The following ZMYM2 variants were observed in gnomAD, a reference collection of about 807,000 sequenced individuals.
ZMYM2 encodes the protein zinc finger MYM-type protein 2.
In ZMYM2, 56 loss-of-function variants were observed where a neutral mutation model predicts 162.8. The ratio of observed to expected loss-of-function variants is 0.34; its 90% confidence interval spans 0.28 to 0.43. The LOEUF (loss-of-function observed/expected upper bound fraction) is 0.43. Ranked by LOEUF, ZMYM2 falls within the 20% of genes least tolerant of loss-of-function variation. The probability of loss-of-function intolerance (pLI) is 1.00; values close to 1 mark genes in which losing one functional copy is unlikely to be tolerated. For synonymous variants in ZMYM2, 510 were observed against 541.6 expected (o/e 0.94, Z 0.81); for missense variants, 1,275 against 1,621.8 (o/e 0.79, Z 3.67).
intron 6 of ZMYM2, among the ~76,000 whole-genome samples, chr13:20,012,733 G>A (rs1404406130): frequency 6.6e-6 from 1 of 152,090 alleles, no homozygotes; most frequent in African/African-American, 2.4e-5. Flanking sequence ...TTGATGAAGG[G>A]ATTATTCTTT....
At chr13:20,081,759 A>G (rs762692633) in intron 21 of ZMYM2, among the ~76,000 whole-genome samples, 8 of 152,120 alleles carry the variant, frequency 5.3e-5, no homozygotes, top group Non-Finnish European at 1.2e-4. Flanking sequence ...TGACAGACTG[A>G]AGATTGTCAT....
chr13:19,993,038 A>G, intron 2 of ZMYM2, 25 bp from the exon 3 acceptor site: 5 of 1,539,672 alleles, frequency 3.2e-6, no homozygotes, highest in Non-Finnish European at 4.4e-6. Flanking sequence ...TGACATTTTA[A>G]TTCTTTTTTC....
Position 19,979,025 on chromosome 13 carries a change from A to G in ZMYM2, c.-10-14038A>G, listed in dbSNP as rs755859880. 6.2e-5 allele frequency among the ~76,000 whole-genome samples: 9 copies of G among 144,494 alleles called. No individual in the cohort carries two copies. In the East Asian group the frequency reaches 1.8e-3, roughly 29 times the overall value. 94.8% of individuals were successfully genotyped at this position (144,494 alleles called of 152,430 possible). A position where few individuals can be genotyped will look rare whatever the true frequency, so the allele number is the denominator to read the frequency against. ...GCTGCGTATAGAATTCTTGGCTGAC[A>G]GATTTTTTTCCCCCCTCTTTCTGTT... On this transcript the variant is annotated intron_variant, in intron 2 of 24. Transcript: ENST00000610343.
intron 15 of ZMYM2, 43 bp downstream of exon 15, chr13:20,058,747 A>G (rs1739767833): frequency 1.2e-6 from 2 of 1,604,070 alleles, no homozygotes; most frequent in African/African-American, 1.3e-5. Flanking sequence ...CCATACCTTC[A>G]TCTCACCTAA....
chr13:20,088,051 A>G lies in ZMYM2; in HGVS notation c.*2037A>G, dbSNP rs1437348071. 5.1e-6 allele frequency: 1 copy of G among 197,202 alleles called. No homozygotes were observed. The highest frequency in any genetic ancestry group is 1.1e-5 in the Non-Finnish European group (1 of 94,980). The allele number at this position is 197,202 out of a possible 1,614,324, so 12.2% of individuals were successfully genotyped here. ...TACCATGAATTTCTGCCATAGTACT[A>G]CTATCAAGCACCTTGTCTTGCTATT... On this transcript the variant is annotated 3_prime_UTR_variant, in exon 25 of 25. Coordinates refer to ENST00000610343, the MANE Select transcript of ZMYM2 (RefSeq NM_197968.4).
the ZMYM2 span, among the ~76,000 whole-genome samples, chr13:19,919,678 T>C: frequency 0.49 from 61,472 of 125,718 alleles, 12,896 homozygotes; most frequent in Admixed American, 0.56. Context: ...TTTTTTCTTT[T>C]TCTTTTTTTT....
chr13:20,054,574 T>G (rs921391920), intron 14 of ZMYM2, among the ~76,000 whole-genome samples: 9 of 152,218 alleles, frequency 5.9e-5, no homozygotes, highest in Non-Finnish European at 1.2e-4. Context: ...TCATTATAAT[T>G]TTTATTCTTT....
At chr13:19,966,515 T>C (rs1220141049) in intron 2 of ZMYM2, among the ~76,000 whole-genome samples, 2 of 151,756 alleles carry the variant, frequency 1.3e-5, no homozygotes, top group African/African-American at 4.8e-5. Context: ...AGTGCAATGG[T>C]GTGATCAGGG....
the ZMYM2 span, among the ~76,000 whole-genome samples, chr13:19,903,962 A>T: frequency 6.6e-6 from 1 of 152,112 alleles, no homozygotes; most frequent in Admixed American, 6.6e-5. Flanking sequence ...GTCTCTTTGT[A>T]TGTGAGTCTT....
At chr13:20,048,073 C>A (rs749687094) in intron 12 of ZMYM2, among the ~76,000 whole-genome samples, 13 of 151,958 alleles carry the variant, frequency 8.6e-5, no homozygotes, top group Non-Finnish European at 1.5e-4. Context: ...CCAAGAGTAT[C>A]TCTATTAAGA....
the ZMYM2 span, among the ~76,000 whole-genome samples, chr13:19,903,846 C>CAA: frequency 7.0e-6 from 1 of 142,046 alleles, no homozygotes. Context: ...GACCCTGTCT[C>CAA]AAAAAAAAAA....
At chr13:20,014,906 A>G (rs1203273327) in intron 6 of ZMYM2, among the ~76,000 whole-genome samples, 1 of 151,642 alleles carries the variant, frequency 6.6e-6, no homozygotes, top group Non-Finnish European at 1.5e-5. Flanking sequence ...CCGGGATTAC[A>G]GGCATGTGCC....
rs1958300599 is a variant in ZMYM2, at chr13:20,086,801, ATGAT to A, written c.*790_*793del. ...TATATATATATATATATATATATAA[ATGAT>A]TGTAAGTTGAAAACAAGATCATCAA... On this transcript the variant is annotated 3_prime_UTR_variant, in exon 25 of 25. Coordinates refer to ENST00000610343, the MANE Select transcript of ZMYM2 (RefSeq NM_197968.4). 1.3e-5 allele frequency: 2 copies of A among 152,516 alleles called. No individual in the cohort carries two copies. Among genetic ancestry groups the A allele is most frequent in the Admixed American group, 6.8e-5 (1 of 14,782 alleles). 9.4% of individuals were successfully genotyped at this position (152,516 alleles called of 1,614,324 possible).
intron 7 of ZMYM2, among the ~76,000 whole-genome samples, chr13:20,023,010 A>G (rs1278015567): frequency 6.6e-6 from 1 of 152,188 alleles, no homozygotes; most frequent in Non-Finnish European, 1.5e-5. Context: ...TAGGAATAAA[A>G]TCCAGTGGTT....
chr13:19,987,245 T>A (rs1055923629), intron 2 of ZMYM2, among the ~76,000 whole-genome samples: 1 of 151,544 alleles, frequency 6.6e-6, no homozygotes, highest in Admixed American at 6.6e-5. Context: ...ATATTAATAA[T>A]GTAAATAAAC....
At chr13:19,999,687 G>T (rs1452686070) in intron 3 of ZMYM2, among the ~76,000 whole-genome samples, 3 of 152,204 alleles carry the variant, frequency 2.0e-5, no homozygotes, top group African/African-American at 7.2e-5. Context: ...GAAAAGCCTA[G>T]AAAGGCTGAG....
the ZMYM2 span, among the ~76,000 whole-genome samples, chr13:19,892,509 T>C: frequency 6.6e-6 from 1 of 151,572 alleles, no homozygotes; most frequent in Non-Finnish European, 1.5e-5. Context: ...TCTCCTGACC[T>C]TGTGATCCGC....
At chr13:20,075,975 C>CA (rs1957475881) in intron 21 of ZMYM2, among the ~76,000 whole-genome samples, 8 of 142,088 alleles carry the variant, frequency 5.6e-5, no homozygotes, top group African/African-American at 2.5e-4. Context: ...GGATTACAGG[C>CA]ATGAGCCACC....
At chr13:19,959,586 T>C (rs1489815683) in intron 1 of ZMYM2, among the ~76,000 whole-genome samples, 1 of 152,078 alleles carries the variant, frequency 6.6e-6, no homozygotes, top group African/African-American at 2.4e-5. Flanking sequence ...CCCTTACCTC[T>C]GAATTGGTAC....
Sources: allele counts gnomAD v4.1 joint callset (sites outside exome capture counted in the v4.1 genomes callset), GRCh38; gene constraint gnomAD v4.1.1; transcripts MANE v1.5; gene names NCBI Gene and HGNC (gene_info 2026-07-23, HGNC 2026-07-21).